NACC2: variants seen among roughly 807,000 people sequenced by gnomAD.
NACC2 encodes nucleus accumbens-associated protein 2.
In NACC2, 8 loss-of-function variants were observed where a neutral mutation model predicts 25.1. The ratio of observed to expected loss-of-function variants is 0.32; its 90% confidence interval spans 0.19 to 0.57. NACC2 has a LOEUF of 0.57. Among genes scored for constraint, NACC2 ranks in the 20% least tolerant of loss-of-function variants. The pLI is 0.89. For synonymous variants in NACC2, 435 were observed against 294.7 expected, an observed-to-expected ratio of 1.48 and a Z score of -4.88; for missense variants, 644 against 650.2, an observed-to-expected ratio of 0.99 and a Z score of 0.10.
chr9:136,056,234 A>G (rs541042395), intron 1 of NACC2, among the ~76,000 whole-genome samples: 1 of 152,268 alleles, frequency 6.6e-6, no homozygotes, highest in African/African-American at 2.4e-5. Context: ...AAATGCCAGA[A>G]AGCAGAGCTG....
chr9:136,026,940 G>A (rs77109164), intron 2 of NACC2, among the ~76,000 whole-genome samples: 3,251 of 152,304 alleles, frequency 0.021, 110 homozygotes, highest in African/African-American at 0.073. Flanking sequence ...AGAAAATAAC[G>A]TTTGTTGGCC....
At chr9:136,071,590 A>G (rs1239473213) in intron 1 of NACC2, among the ~76,000 whole-genome samples, 1 of 151,960 alleles carries the variant, frequency 6.6e-6, no homozygotes, top group East Asian at 1.9e-4. Context: ...TTTTGTAAAT[A>G]TAGATGAGCT....
intron 2 of NACC2, among the ~76,000 whole-genome samples, chr9:136,036,480 T>TAC (rs1247562464): frequency 1.2e-4 from 19 of 152,222 alleles, no homozygotes; most frequent in African/African-American, 4.6e-4. Flanking sequence ...TATATATACA[T>TAC]ACACACACAC....
chr9:136,045,408 A>ATCGTCACGGGCCCACGGGC (rs1588569474), intron 2 of NACC2, among the ~76,000 whole-genome samples: 1 of 151,932 alleles, frequency 6.6e-6, no homozygotes, highest in Non-Finnish European at 1.5e-5. Context: ...GGAAAGGGTT[A>ATCGTCACGGGCCCACGGGC]CCGTGGAAGT....
At chr9:136,047,816 C>T (rs884559) in intron 2 of NACC2, among the ~76,000 whole-genome samples, 101,921 of 152,042 alleles carry the variant, frequency 0.67, 34,307 homozygotes, top group Non-Finnish European at 0.7. Context: ...GAAGTCCAGG[C>T]GATGTGAGGG....
chr9:136,040,978 A>G (rs1840618028), intron 2 of NACC2, among the ~76,000 whole-genome samples: 1 of 151,928 alleles, frequency 6.6e-6, no homozygotes, highest in Non-Finnish European at 1.5e-5. Flanking sequence ...AAAGAAAGAA[A>G]GAAAAGGAAG....
At position 136,049,133 on chromosome 9, in the gene NACC2, C is replaced by T. The variant is rs910603454; in HGVS notation, c.886+503G>A. Among the ~76,000 whole-genome samples the T allele has an allele frequency of 8.4e-4, 128 of 152,320 alleles. 1 individual carries two copies. The highest frequency in any genetic ancestry group is 7.5e-3 in the South Asian group (36 of 4,828). ...AGCAGCCCTCCTTGAAAGAAAGGAA[C>T]GGAGAGGAGGGGGAGCGACTGCTCA... On this transcript the variant is annotated intron_variant, in intron 2 of 5. Transcript: ENST00000277554.
chr9:136,091,141 C>G (rs1311940321), intron 1 of NACC2, among the ~76,000 whole-genome samples: 1 of 152,188 alleles, frequency 6.6e-6, no homozygotes, highest in African/African-American at 2.4e-5. Context: ...CCGGGAGACT[C>G]CATGGCGGCC....
chr9:136,057,841 C>T lies in NACC2; in HGVS notation c.-59-7261G>A, dbSNP rs56279831. ...TGGGGCCGGGGGTTGTGGAAGCGGT[C>T]GGATCCCAGGCACCGACAGTCAGAG... On this transcript the variant is annotated intron_variant, in intron 1 of 5. Transcript: ENST00000277554. Among the ~76,000 whole-genome samples the T allele has an allele frequency of 3.0e-3, 459 of 152,296 alleles. 3 individuals carry two copies. Among genetic ancestry groups the T allele is most frequent in the Non-Finnish European group, 5.2e-3 (351 of 68,010 alleles).
At chr9:136,054,965 G>A (rs1840902228) in intron 1 of NACC2, among the ~76,000 whole-genome samples, 1 of 152,004 alleles carries the variant, frequency 6.6e-6, no homozygotes, top group African/African-American at 2.4e-5. Context: ...CCAGCCTTCG[G>A]TGCCCCACCC....
At chr9:136,094,691 C>T (rs1379313968) in intron 1 of NACC2, among the ~76,000 whole-genome samples, 21 of 151,968 alleles carry the variant, frequency 1.4e-4, no homozygotes, top group Admixed American at 1.4e-3. Context: ...GAGGGCGAGG[C>T]GCGGGCCCGG....
intron 1 of NACC2, among the ~76,000 whole-genome samples, chr9:136,063,716 C>T (rs1841042992): frequency 6.6e-6 from 1 of 152,006 alleles, no homozygotes; most frequent in South Asian, 2.1e-4. Context: ...AATCCCATCT[C>T]TACTAAAAAT....
chr9:136,062,112 C>T (rs1841018969), intron 1 of NACC2, among the ~76,000 whole-genome samples: 1 of 132,998 alleles, frequency 7.5e-6, no homozygotes, highest in African/African-American at 2.8e-5. Flanking sequence ...GGCAACAGAG[C>T]GAGACAGGAC....
chr9:136,024,559 G>T (rs541610981), intron 2 of NACC2, among the ~76,000 whole-genome samples: 2 of 151,772 alleles, frequency 1.3e-5, no homozygotes, highest in African/African-American at 4.8e-5. Context: ...GACAGTGTGT[G>T]TAAGGACAGA....
At chr9:136,095,017 CG>C (rs1830475000) in intron 1 of NACC2, among the ~76,000 whole-genome samples, 171 bp downstream of exon 1, 1 of 145,966 alleles carries the variant, frequency 6.9e-6, no homozygotes, top group Admixed American at 6.8e-5. Flanking sequence ...CGCGCACGCC[CG>C]GGCCGGCGCG....
At chr9:136,058,312 C>G (rs1038664946) in intron 1 of NACC2, among the ~76,000 whole-genome samples, 7 of 152,264 alleles carry the variant, frequency 4.6e-5, no homozygotes, top group African/African-American at 1.7e-4. Context: ...CCCTGCCCCA[C>G]CCCATCCTGC....
rs138209225 is a variant in NACC2 at position 136,032,483 on chromosome 9, A to G, written c.887-16054T>C. On this transcript the variant is annotated intron_variant, in intron 2 of 5. Transcript: ENST00000277554. ...GAGCAAACATCCTACTTAAAGAGGA[A>G]CAGTGGAAGCTTTTCCTGAGTTTAG... Among the ~76,000 whole-genome samples the G allele has an allele frequency of 4.4e-3, 664 of 152,370 alleles. 5 individuals are homozygous for G. Among genetic ancestry groups the G allele is most frequent in the Non-Finnish European group, 6.2e-3 (420 of 68,044 alleles).
At chr9:136,087,924 A>G (rs1367267141) in intron 1 of NACC2, among the ~76,000 whole-genome samples, 1 of 152,108 alleles carries the variant, frequency 6.6e-6, no homozygotes, top group African/African-American at 2.4e-5. Flanking sequence ...AGGAAGGCCC[A>G]GTTTCCCACC....
intron 2 of NACC2, among the ~76,000 whole-genome samples, chr9:136,040,462 T>A (rs1270035873): frequency 6.6e-6 from 1 of 151,902 alleles, no homozygotes; most frequent in Non-Finnish European, 1.5e-5. Context: ...AACGGAGAAA[T>A]ACATGCAAAA....
Sources: allele counts gnomAD v4.1 joint callset (sites outside exome capture counted in the v4.1 genomes callset), GRCh38; gene constraint gnomAD v4.1.1; transcripts MANE v1.5; gene names NCBI Gene and HGNC (gene_info 2026-07-23, HGNC 2026-07-21).